The following GART variants were observed in gnomAD, a reference collection of about 807,000 sequenced individuals.
GART encodes phosphoribosylglycinamide formyltransferase, phosphoribosylglycinamide synthetase, phosphoribosylaminoimidazole synthetase.
A neutral mutation model predicts 107.2 loss-of-function variants in GART; 43 were observed. That is an observed-to-expected ratio of 0.40 (90% CI 0.31 to 0.52). The LOEUF is 0.52. Among genes scored for constraint, GART ranks in the 20% least tolerant of loss-of-function variants. The probability of loss-of-function intolerance (pLI) is 0.52; values close to 1 mark genes in which losing one functional copy is unlikely to be tolerated. For missense variants in GART, 1,107 were observed against 1,206.5 expected, an observed-to-expected ratio of 0.92 and a Z score of 1.22; for synonymous variants, 434 against 427.0, an observed-to-expected ratio of 1.02 and a Z score of -0.20.
chr21:33,529,149 A>G (rs1454229262), intron 7 of GART, among the ~76,000 whole-genome samples: 3 of 152,220 alleles, frequency 2.0e-5, no homozygotes, highest in African/African-American at 7.2e-5. Flanking sequence ...TTCAAAAAAT[A>G]CACTCTTAAA....
Position 33,531,569 on chromosome 21 carries a change from ATTTTTT to A in GART, c.529-18_529-13del, listed in dbSNP as rs540416206. ...CCAAAGGCTTTCTCCTGATTGTAAG[ATTTTTT>A]TTTTTTTTTTTTTTAAAAAAAGAGG... On this transcript the variant is annotated splice_polypyrimidine_tract_variant and intron_variant, in intron 5 of 21. Transcript: ENST00000381815. The A allele has an allele frequency of 1.9e-4, 265 of 1,412,344 alleles. No homozygotes were observed. The highest frequency in any genetic ancestry group is 3.0e-4 in the Admixed American group (13 of 42,880). 87.5% of individuals were successfully genotyped at this position (1,412,344 alleles called of 1,614,324 possible).
At chr21:33,519,606 T>C (rs918856835) in intron 14 of GART, among the ~76,000 whole-genome samples, 4 of 149,358 alleles carry the variant, frequency 2.7e-5, no homozygotes, top group East Asian at 2.0e-4. Context: ...GATGGGAAGA[T>C]AGCTTGAGCC....
intron 14 of GART, chr21:33,518,877 A>G (rs2084922355): frequency 1.9e-6 from 1 of 536,048 alleles, no homozygotes; most frequent in Non-Finnish European, 3.7e-6. Flanking sequence ...GCGTTGTCTC[A>G]GCATGGCCTG....
At chr21:33,514,011 A>C (rs906747707) in intron 16 of GART, among the ~76,000 whole-genome samples, 3 of 152,214 alleles carry the variant, frequency 2.0e-5, no homozygotes, top group African/African-American at 7.2e-5. Flanking sequence ...CATGCCAGTA[A>C]TCCCAGCGCT....
intron 18 of GART, among the ~76,000 whole-genome samples, chr21:33,507,368 T>TA (rs1427573011): frequency 6.6e-6 from 1 of 152,122 alleles, no homozygotes; most frequent in Admixed American, 6.6e-5. Flanking sequence ...CTCATGATGA[T>TA]AGTGCAATGA....
intron 5 of GART, 37 bp from the exon 6 acceptor site, chr21:33,531,594 A>G: frequency 1.3e-6 from 2 of 1,512,208 alleles, no homozygotes; most frequent in Non-Finnish European, 1.8e-6. Context: ...TTTTTTAAAA[A>G]AAGAGGCTTG....
At chr21:33,530,286 T>A (rs1350158406) in intron 7 of GART, among the ~76,000 whole-genome samples, 1 of 152,278 alleles carries the variant, frequency 6.6e-6, no homozygotes, top group African/African-American at 2.4e-5. Context: ...CTGATCTGAC[T>A]TGGTTCTCAA....
At chr21:33,533,232 G>GA (rs2085229179) in intron 4 of GART, among the ~76,000 whole-genome samples, 1 of 151,854 alleles carries the variant, frequency 6.6e-6, no homozygotes, top group Non-Finnish European at 1.5e-5. Context: ...GAGGTCAGGA[G>GA]ATCGAGACCA....
At chr21:33,527,921 C>T (rs558527213) in intron 10 of GART, among the ~76,000 whole-genome samples, 2 of 152,248 alleles carry the variant, frequency 1.3e-5, no homozygotes, top group East Asian at 1.9e-4. Flanking sequence ...CTGGGTGACA[C>T]TCGGGAGATG....
intron 18 of GART, 71 bp from the exon 19 acceptor site, chr21:33,506,175 C>T (rs373299785): frequency 2.7e-5 from 41 of 1,534,294 alleles, no homozygotes; most frequent in East Asian, 1.6e-4. Context: ...GGGAGTCTCA[C>T]TCTGTCGCCC....
At chr21:33,514,903 T>G (rs1277284526) in intron 16 of GART, among the ~76,000 whole-genome samples, 1 of 152,126 alleles carries the variant, frequency 6.6e-6, no homozygotes, top group Non-Finnish European at 1.5e-5. Context: ...ACAACCTACC[T>G]CTGACTCTTC....
chr21:33,518,957 GT>G (rs2084923396), intron 14 of GART: 1 of 414,920 alleles, frequency 2.4e-6, no homozygotes, highest in Non-Finnish European at 4.7e-6. Flanking sequence ...TGGATCTCTG[GT>G]CTTCATTTGT....
At chr21:33,508,905 G>A (rs1423224357) in intron 18 of GART, among the ~76,000 whole-genome samples, 3 of 152,052 alleles carry the variant, frequency 2.0e-5, no homozygotes, top group Non-Finnish European at 2.9e-5. Flanking sequence ...CTGTTTCTGA[G>A]GCAGTTCACT....
intron 2 of GART, among the ~76,000 whole-genome samples, chr21:33,538,119 C>T (rs2085337367): frequency 6.6e-6 from 1 of 151,570 alleles, no homozygotes; most frequent in African/African-American, 2.4e-5. Context: ...CGGCATGCAC[C>T]TGTAGTACCA....
chr21:33,537,879 G>A (rs1434274980), intron 2 of GART, among the ~76,000 whole-genome samples: 1 of 152,158 alleles, frequency 6.6e-6, no homozygotes, highest in Admixed American at 6.5e-5. Context: ...ATACTGAGGA[G>A]TTTCTGAAGC....
intron 9 of GART, 74 bp from the exon 10 acceptor site, chr21:33,528,409 T>C: frequency 2.6e-6 from 4 of 1,559,760 alleles, no homozygotes; most frequent in East Asian, 4.5e-5. Context: ...ACTGGTGTAC[T>C]AGCAGAACTT....
intron 2 of GART, among the ~76,000 whole-genome samples, chr21:33,535,746 G>A (rs930851134): frequency 3.9e-5 from 6 of 152,168 alleles, no homozygotes; most frequent in African/African-American, 7.2e-5. Flanking sequence ...ATGTCAACAC[G>A]GCGGGGCGCG....
Position 33,520,901 on chromosome 21 carries a change from A to AT in GART, c.1503+4dup, listed in dbSNP as rs1261362075. The AT allele has an allele frequency of 2.5e-6, 4 of 1,584,888 alleles. No individual in the cohort carries two copies. The Admixed American group carries it at 7.1e-5, about 28-fold the overall frequency. On this transcript the variant is annotated splice_donor_region_variant and intron_variant, in intron 13 of 21. Transcript: ENST00000381815. ...AGGCCTTTATTCACAAAGGTGTCTGATTACCTTTAGTTTAGTTCCAACGCC... is the reference window on the plus strand; with the variant it reads ...AGGCCTTTATTCACAAAGGTGTCTGATTTACCTTTAGTTTAGTTCCAACGCC...
intron 16 of GART, among the ~76,000 whole-genome samples, chr21:33,514,381 T>C (rs1272473813): frequency 6.6e-6 from 1 of 152,330 alleles, no homozygotes; most frequent in South Asian, 2.1e-4. Context: ...ATGGCTTTTA[T>C]TGGAATACAG....
Sources: gnomAD v4.1 joint callset for allele counts (sites outside exome capture counted in the v4.1 genomes callset) on GRCh38, gnomAD v4.1.1 for gene constraint, MANE v1.5 for transcripts, NCBI Gene and HGNC (gene_info 2026-07-23, HGNC 2026-07-21) for gene names.